The following CEP170 variants were observed in gnomAD, a reference collection of about 807,000 sequenced individuals.
CEP170 encodes the protein centrosomal protein of 170 kDa.
In CEP170, 21 loss-of-function variants were observed where a neutral mutation model predicts 151.9. The ratio of observed to expected loss-of-function variants is 0.14; its 90% CI spans 0.10 to 0.20. The LOEUF (loss-of-function observed/expected upper bound fraction) is 0.20, where lower values mean the gene tolerates loss of function less well. CEP170 is among the 10% of genes least tolerant of loss of function. The pLI is 1.00. For synonymous variants in CEP170, 356 were observed against 648.8 expected, an observed-to-expected ratio of 0.55 and a Z score of 6.86; for missense variants, 964 against 1,892.9, an observed-to-expected ratio of 0.51 and a Z score of 9.11.
At chr1:243,250,007 G>A (rs139627079) in intron 1 of CEP170, among the ~76,000 whole-genome samples, 27 of 152,290 alleles carry the variant, frequency 1.8e-4, no homozygotes, top group African/African-American at 5.8e-4. Context: ...GGAGGCAGAC[G>A]TTGTAGTAAG....
At chr1:243,206,820 T>A (rs1035442730) in intron 4 of CEP170, among the ~76,000 whole-genome samples, 9 of 152,222 alleles carry the variant, frequency 5.9e-5, no homozygotes, top group African/African-American at 1.9e-4. Context: ...ACTGTTGTAA[T>A]GTTCTTGTAC....
chr1:243,132,996 T>C (rs1448499396), intron 17 of CEP170, among the ~76,000 whole-genome samples: 3 of 152,188 alleles, frequency 2.0e-5, no homozygotes, highest in Non-Finnish European at 4.4e-5. Context: ...ATTGGATATA[T>C]TAGCTTCCTA....
At chr1:243,217,795 C>A (rs1030878297) in intron 3 of CEP170, among the ~76,000 whole-genome samples, 2 of 152,172 alleles carry the variant, frequency 1.3e-5, no homozygotes, top group African/African-American at 4.8e-5. Flanking sequence ...TTTCAACACA[C>A]CAGGTAGAGA....
intron 17 of CEP170, among the ~76,000 whole-genome samples, chr1:243,129,722 G>A (rs939785784): frequency 6.6e-6 from 1 of 151,904 alleles, no homozygotes; most frequent in Non-Finnish European, 1.5e-5. Context: ...AAATGTAAAT[G>A]ATGTTATGAC....
intron 1 of CEP170, among the ~76,000 whole-genome samples, chr1:243,238,458 A>C (rs75664172): frequency 6.8e-6 from 1 of 146,870 alleles, no homozygotes; most frequent in Non-Finnish European, 1.5e-5. Context: ...ACTGCCCTGG[A>C]AAAAAAAAAA....
At chr1:243,181,580 G>T (rs2059620123) in intron 10 of CEP170, among the ~76,000 whole-genome samples, 1 of 152,126 alleles carries the variant, frequency 6.6e-6, no homozygotes, top group African/African-American at 2.4e-5. Context: ...TCTCTTTAAA[G>T]AAATCCTATT....
chr1:243,135,595 G>C (rs1344221805), intron 17 of CEP170, among the ~76,000 whole-genome samples: 1 of 152,074 alleles, frequency 6.6e-6, no homozygotes. Flanking sequence ...ACCTATATAG[G>C]CCAACTTTCT....
intron 1 of CEP170, among the ~76,000 whole-genome samples, chr1:243,230,589 T>TA (rs1285401150): frequency 1.3e-5 from 2 of 152,192 alleles, no homozygotes; most frequent in Non-Finnish European, 2.9e-5. Context: ...ATTCTGGAGC[T>TA]AAAAAGCAGA....
At chr1:243,196,032 G>A (rs2060625135) in intron 7 of CEP170, among the ~76,000 whole-genome samples, 1 of 152,096 alleles carries the variant, frequency 6.6e-6, no homozygotes, top group Non-Finnish European at 1.5e-5. Flanking sequence ...AGCAGAAAGA[G>A]TACACAAGCT....
At chr1:243,152,719 G>T (rs1457404529) in intron 14 of CEP170, among the ~76,000 whole-genome samples, 1 of 150,600 alleles carries the variant, frequency 6.6e-6, no homozygotes, top group Non-Finnish European at 1.5e-5. Context: ...TTCTAGTAGA[G>T]ACGGGGTTTC....
intron 4 of CEP170, among the ~76,000 whole-genome samples, chr1:243,202,237 G>A (rs1271807836): frequency 3.9e-5 from 6 of 152,092 alleles, no homozygotes; most frequent in African/African-American, 1.4e-4. Context: ...CTTCCAAGTG[G>A]GACCTAAGCT....
At chr1:243,206,712 C>T (rs1165499540) in intron 4 of CEP170, among the ~76,000 whole-genome samples, 1 of 152,048 alleles carries the variant, frequency 6.6e-6, no homozygotes, top group Non-Finnish European at 1.5e-5. Flanking sequence ...CTTTAAATGA[C>T]AATTGACTTT....
intron 13 of CEP170, among the ~76,000 whole-genome samples, chr1:243,162,368 G>A (rs372131748): frequency 1.3e-5 from 2 of 152,076 alleles, no homozygotes; most frequent in East Asian, 1.9e-4. Context: ...TCCTCTCTTG[G>A]CCTTGGTTCC....
Position 243,138,971 on chromosome 1 carries a change from T to G in CEP170, c.4230+966A>C, listed in dbSNP as rs545688814. Reference sequence around the variant, plus strand: ...TATGTAGCTACCTTTCCTCCAATACTTAACATTTTAAGACTTTAACATGTC... The same window carrying G: ...TATGTAGCTACCTTTCCTCCAATACGTAACATTTTAAGACTTTAACATGTC... On this transcript the variant is annotated intron_variant, in intron 16 of 19. Coordinates refer to ENST00000366542, the MANE Select transcript of CEP170 (RefSeq NM_014812.3). Among the ~76,000 whole-genome samples the G allele has an allele frequency of 1.3e-3, 192 of 152,352 alleles. 2 individuals carry two copies. The highest frequency in any genetic ancestry group is 4.3e-3 in the African/African-American group (180 of 41,580).
At chr1:243,252,557 T>G (rs2066037258) in intron 1 of CEP170, among the ~76,000 whole-genome samples, 1 of 152,106 alleles carries the variant, frequency 6.6e-6, no homozygotes, top group Admixed American at 6.5e-5. Context: ...AAGCACAGAA[T>G]TTTAAAAAGT....
intron 13 of CEP170, among the ~76,000 whole-genome samples, chr1:243,163,758 T>C (rs1234839169): frequency 6.6e-6 from 1 of 152,202 alleles, no homozygotes; most frequent in Non-Finnish European, 1.5e-5. Context: ...AGGTAAAGTA[T>C]GTGAGACATT....
chr1:243,237,968 T>C (rs1018491137), intron 1 of CEP170, among the ~76,000 whole-genome samples: 7 of 152,348 alleles, frequency 4.6e-5, no homozygotes, highest in African/African-American at 1.2e-4. Context: ...ATCGGGTCTA[T>C]CTTTTGTCTA....
chr1:243,229,589 A>G (rs890332799), intron 1 of CEP170, among the ~76,000 whole-genome samples: 2 of 152,152 alleles, frequency 1.3e-5, no homozygotes, highest in African/African-American at 2.4e-5. Flanking sequence ...CACAATCCCA[A>G]CAGCTCCAAG....
intron 3 of CEP170, among the ~76,000 whole-genome samples, chr1:243,213,369 C>T (rs985954944): frequency 6.6e-6 from 1 of 151,988 alleles, no homozygotes; most frequent in African/African-American, 2.4e-5. Flanking sequence ...TTTCTTTTTT[C>T]ACCTATTAAA....
Sources: gnomAD v4.1 joint callset for allele counts (sites outside exome capture counted in the v4.1 genomes callset) on GRCh38, gnomAD v4.1.1 for gene constraint, MANE v1.5 for transcripts, NCBI Gene and HGNC (gene_info 2026-07-23, HGNC 2026-07-21) for gene names.